CPED1: variants seen among roughly 807,000 people sequenced by gnomAD.
CPED1 encodes cadherin-like and PC-esterase domain-containing protein 1.
CPED1 carries 114 observed loss-of-function variants against 128.2 expected under a neutral mutation model. That is an observed-to-expected ratio of 0.89 (90% CI 0.76 to 1.04). The LOEUF is 1.04. Among genes scored for constraint, CPED1 ranks in the 50% least tolerant of loss-of-function variants. CPED1 has a pLI of 0.00. For missense variants in CPED1, 1,211 were observed against 1,207.1 expected (o/e 1.00, Z -0.05); for synonymous variants, 462 against 426.7 (o/e 1.08, Z -1.02).
Position 121,266,364 on chromosome 7 carries a change from C to A in CPED1, c.2448C>A (p.Ile816=). 1 of 1,613,160 alleles carries A rather than the reference C, an allele frequency of 6.2e-7. No homozygotes were observed. The highest frequency in any genetic ancestry group is 1.7e-5 in the Admixed American group (1 of 59,896). ...YHNVNGGKTL[I]SYSYYPQFWI... is the part of the protein sequence containing the mutation. ...ACGTCAATGGTGGGAAGACTTTGAT[C>A]AGTTATTCCTACTATCCCCAGTTCT... Residue 816 remains isoleucine (I), a synonymous_variant, in exon 19 of 23, where the codon ATC becomes ATA. Transcript: ENST00000310396.
chr7:121,117,739 C>T (rs1345315404), intron 7 of CPED1, among the ~76,000 whole-genome samples: 2 of 152,128 alleles, frequency 1.3e-5, no homozygotes, highest in African/African-American at 4.8e-5. Flanking sequence ...CTGCCCAGAA[C>T]TTCACCTTTC....
chr7:121,071,942 ACTTT>A (rs1304556699), intron 5 of CPED1, among the ~76,000 whole-genome samples: 1 of 151,822 alleles, frequency 6.6e-6, no homozygotes, highest in Non-Finnish European at 1.5e-5. Context: ...CTTTATAATC[ACTTT>A]CTTTTGGCCT....
At chr7:121,030,210 C>G (rs1244999079) in intron 3 of CPED1, among the ~76,000 whole-genome samples, 1 of 152,068 alleles carries the variant, frequency 6.6e-6, no homozygotes, top group East Asian at 1.9e-4. Flanking sequence ...CCTCCTGCCT[C>G]TTTACAAACA....
intron 2 of CPED1, chr7:120,993,897 G>A (rs2116732949): frequency 3.8e-6 from 1 of 266,012 alleles, no homozygotes; most frequent in South Asian, 3.1e-5. Flanking sequence ...CATGGTATTT[G>A]CAGGTTGAGT....
At chr7:121,163,994 A>G (rs1422697427) in intron 16 of CPED1, among the ~76,000 whole-genome samples, 25 of 152,200 alleles carry the variant, frequency 1.6e-4, no homozygotes, top group Admixed American at 1.6e-3. Context: ...TAATCTAAAC[A>G]TTTTAGTTAG....
At chr7:121,260,550 T>C (rs953345453) in intron 18 of CPED1, among the ~76,000 whole-genome samples, 1 of 152,168 alleles carries the variant, frequency 6.6e-6, no homozygotes, top group East Asian at 1.9e-4. Flanking sequence ...ACCTTAGGGC[T>C]CATCAGTATC....
At chr7:121,129,000 A>T (rs928473241) in intron 11 of CPED1, among the ~76,000 whole-genome samples, 10 of 151,910 alleles carry the variant, frequency 6.6e-5, no homozygotes, top group Admixed American at 2.6e-4. Context: ...ACTGGCTTAT[A>T]TCTTTTAAAA....
chr7:121,078,366 G>A (rs927456602), intron 5 of CPED1, among the ~76,000 whole-genome samples: 2 of 151,642 alleles, frequency 1.3e-5, no homozygotes, highest in Non-Finnish European at 2.9e-5. Flanking sequence ...AATTTTTAGT[G>A]GAGCATGACA....
At chr7:121,141,871 T>G (rs1205485443) in intron 15 of CPED1, 102 bp from the exon 16 acceptor site, 5 of 844,394 alleles carry the variant, frequency 5.9e-6, no homozygotes, top group African/African-American at 3.4e-5. Context: ...TTCCTGTTAT[T>G]TATTCAAATA....
chr7:121,165,809 T>C (rs935941814), intron 16 of CPED1, among the ~76,000 whole-genome samples: 1 of 152,192 alleles, frequency 6.6e-6, no homozygotes, highest in African/African-American at 2.4e-5. Context: ...TTGGAACTGA[T>C]AAAGATCAAG....
intron 2 of CPED1, among the ~76,000 whole-genome samples, chr7:121,014,014 A>G (rs968070201): frequency 2.6e-5 from 4 of 152,218 alleles, no homozygotes; most frequent in Non-Finnish European, 5.9e-5. Flanking sequence ...TCCTTTCGTG[A>G]GTGCTAATGA....
At chr7:121,207,419 A>G (rs1641116321) in intron 16 of CPED1, among the ~76,000 whole-genome samples, 4 of 152,076 alleles carry the variant, frequency 2.6e-5, no homozygotes, top group Admixed American at 2.6e-4. Flanking sequence ...AATGTAAAAC[A>G]AATATTCATC....
intron 16 of CPED1, among the ~76,000 whole-genome samples, chr7:121,228,280 AAAC>A (rs1391083035): frequency 2.0e-5 from 3 of 152,050 alleles, no homozygotes; most frequent in Non-Finnish European, 4.4e-5. Flanking sequence ...CAAGGAACTC[AAAC>A]AACAAGTGAA....
At chr7:121,217,872 G>A (rs1797791433) in intron 16 of CPED1, among the ~76,000 whole-genome samples, 1 of 151,950 alleles carries the variant, frequency 6.6e-6, no homozygotes, top group Non-Finnish European at 1.5e-5. Context: ...ACAGTGTAAG[G>A]GTTACTGGAG....
chr7:121,007,576 C>G (rs943008259), intron 2 of CPED1, among the ~76,000 whole-genome samples: 1 of 152,150 alleles, frequency 6.6e-6, no homozygotes, highest in Admixed American at 6.6e-5. Flanking sequence ...CCTGGGATGT[C>G]CAAGTCAGGG....
At chr7:121,127,597 A>G (rs1438183730) in intron 10 of CPED1, among the ~76,000 whole-genome samples, 2 of 145,538 alleles carry the variant, frequency 1.4e-5, no homozygotes, top group African/African-American at 5.1e-5. Flanking sequence ...GTGCAGTGGC[A>G]CGATCTTGAC....
At chr7:121,212,819 C>G (rs1797677234) in intron 16 of CPED1, among the ~76,000 whole-genome samples, 1 of 151,876 alleles carries the variant, frequency 6.6e-6, no homozygotes, top group African/African-American at 2.4e-5. Flanking sequence ...ATGACAGGCA[C>G]AAATATGTAA....
chr7:121,149,675 G>C (rs1796107543), intron 16 of CPED1: 1 of 152,134 alleles, frequency 6.6e-6, no homozygotes, highest in East Asian at 1.9e-4. Flanking sequence ...TTCCCTCATT[G>C]TTGCTTCAAG....
chr7:121,059,532 G>A (rs1793595713), intron 4 of CPED1, among the ~76,000 whole-genome samples: 1 of 151,960 alleles, frequency 6.6e-6, no homozygotes, highest in African/African-American at 2.4e-5. Context: ...TAATGTTCAG[G>A]AACAATAAAA....
Sources: allele counts gnomAD v4.1 joint callset (sites outside exome capture counted in the v4.1 genomes callset), GRCh38; gene constraint gnomAD v4.1.1; transcripts MANE v1.5; gene names NCBI Gene and HGNC (gene_info 2026-07-23, HGNC 2026-07-21).